The following ADAM12 variants were observed in gnomAD, a reference collection of about 807,000 sequenced individuals.
ADAM12 encodes disintegrin and metalloproteinase domain-containing protein 12.
ADAM12 carries 70 observed loss-of-function variants against 106.4 expected under a neutral mutation model. The observed-to-expected ratio is 0.66, with a 90% CI of 0.54 to 0.80. The LOEUF is 0.80. ADAM12 is among the 30% of genes least tolerant of loss of function. ADAM12 has a pLI of 0.00. For missense variants in ADAM12, 1,010 were observed against 1,171.9 expected, an observed-to-expected ratio of 0.86 and a Z score of 2.02; for synonymous variants, 420 against 433.5, an observed-to-expected ratio of 0.97 and a Z score of 0.39.
intron 4 of ADAM12, among the ~76,000 whole-genome samples, chr10:126,137,240 G>A (rs1294022665): frequency 3.9e-5 from 6 of 151,968 alleles, no homozygotes; most frequent in Admixed American, 6.6e-5. Context: ...TATGTTTGTG[G>A]TGCCACTTTT....
At chr10:126,252,005 G>GATAA (rs1321128731) in intron 3 of ADAM12, among the ~76,000 whole-genome samples, 1 of 105,644 alleles carries the variant, frequency 9.5e-6, no homozygotes, top group African/African-American at 4.0e-5. Context: ...GGATGGGATG[G>GATAA]ATAAATGGAT....
chr10:126,028,286 A>G (rs554041411), intron 21 of ADAM12, among the ~76,000 whole-genome samples: 14 of 152,298 alleles, frequency 9.2e-5, no homozygotes, highest in Admixed American at 6.5e-4. Context: ...TCAAACTACT[A>G]TTGACATTCT....
intron 1 of ADAM12, among the ~76,000 whole-genome samples, chr10:126,338,001 G>C (rs1854771145): frequency 6.6e-6 from 1 of 152,166 alleles, no homozygotes; most frequent in Non-Finnish European, 1.5e-5. Context: ...ACAGCCTTGG[G>C]CGTGTTAGAG....
intron 5 of ADAM12, among the ~76,000 whole-genome samples, chr10:126,120,513 G>A (rs1030428468): frequency 6.6e-6 from 1 of 152,186 alleles, no homozygotes; most frequent in Non-Finnish European, 1.5e-5. Flanking sequence ...CTGTCTGGAT[G>A]TGTTGACAGG....
At chr10:126,209,269 T>A (rs996791332) in intron 3 of ADAM12, among the ~76,000 whole-genome samples, 1 of 152,242 alleles carries the variant, frequency 6.6e-6, no homozygotes, top group East Asian at 1.9e-4. Context: ...AACTTTATTA[T>A]TGTAGCATCC....
At chr10:126,201,356 A>G (rs1011731367) in intron 3 of ADAM12, among the ~76,000 whole-genome samples, 2 of 152,130 alleles carry the variant, frequency 1.3e-5, no homozygotes, top group Non-Finnish European at 2.9e-5. Context: ...GACGAAACAG[A>G]GATACAGAAG....
Position 126,017,211 on chromosome 10 carries a change from A to C in ADAM12, c.*68T>G. On this transcript the variant is annotated 3_prime_UTR_variant, in exon 23 of 23. Transcript: ENST00000448723. ...AAAAAATCCTAAAAGTTGGTACAAA[A>C]AACTCCAACTGGAGCTGAAAGATAG... 1 of 1,414,354 alleles carries C rather than the reference A, an allele frequency of 7.1e-7. No individual in the cohort carries two copies. Among genetic ancestry groups the C allele is most frequent in the Non-Finnish European group, 9.6e-7 (1 of 1,042,772 alleles). 87.6% of individuals were successfully genotyped at this position (1,414,354 alleles called of 1,614,324 possible). A position where few individuals can be genotyped will look rare whatever the true frequency, so the allele number is the denominator to read the frequency against.
At chr10:126,157,031 G>C (rs1368903267) in intron 3 of ADAM12, among the ~76,000 whole-genome samples, 1 of 151,822 alleles carries the variant, frequency 6.6e-6, no homozygotes, top group Non-Finnish European at 1.5e-5. Context: ...GTGTGTGTGT[G>C]TGGGGGGGTG....
chr10:126,201,295 A>G (rs1164191145), intron 3 of ADAM12, among the ~76,000 whole-genome samples: 1 of 152,136 alleles, frequency 6.6e-6, no homozygotes, highest in African/African-American at 2.4e-5. Flanking sequence ...TGTGGGCCTT[A>G]CAAGGAGAGG....
rs1956096186 is a variant in ADAM12, at chr10:126,121,167, A to ATATATACCATATATAC, written c.417-2944_417-2943insGTATATATGGTATATA. ...ATATACTATATATACTATATATACTATATATACTATATACACTATATACTA... is the reference window on the plus strand; with the variant it reads ...ATATACTATATATACTATATATACTATATATACCATATATACTATATACTATATACACTATATACTA... On this transcript the variant is annotated intron_variant, in intron 5 of 22. Coordinates refer to ENST00000448723, the MANE Select transcript of ADAM12 (RefSeq NM_001288973.2). Among the ~76,000 whole-genome samples the ATATATACCATATATAC allele has an allele frequency of 6.0e-5, 5 of 83,764 alleles. 1 individual carries two copies. The highest frequency in any genetic ancestry group is 1.9e-4 in the Admixed American group (1 of 5,268). 55.0% of individuals were successfully genotyped at this position (83,764 alleles called of 152,430 possible).
At chr10:126,156,892 T>C (rs997425183) in intron 3 of ADAM12, among the ~76,000 whole-genome samples, 1 of 152,252 alleles carries the variant, frequency 6.6e-6, no homozygotes, top group Non-Finnish European at 1.5e-5. Flanking sequence ...ACCTGGGTTT[T>C]CTGTGTCTGG....
At chr10:126,226,269 G>C (rs1219746608) in intron 3 of ADAM12, among the ~76,000 whole-genome samples, 1 of 152,182 alleles carries the variant, frequency 6.6e-6, no homozygotes, top group Non-Finnish European at 1.5e-5. Flanking sequence ...ATCTCTCCAG[G>C]ACAGAATCAG....
Position 126,039,427 on chromosome 10 carries a change from T to C in ADAM12, c.2107A>G (p.Asn703Asp), listed in dbSNP as rs1227964105. Reference protein sequence around the residue: ...TDSGPIRQADNQGLTIGILVT... With the variant: ...TDSGPIRQADDQGLTIGILVT... The stretch of plus-strand genomic sequence containing the variant: ...AGAATTCCTATGGTTAAACCTTGGT[T>C]ATCTGAAACAAAACACATGGGGCTC... The change falls in exon 19 of 23, where the codon AAC becomes GAC. Residue 703 changes from asparagine to aspartate, a missense_variant and splice_region_variant. This residue lies in a region of ADAM12 where 615 missense variants were observed against 708.5 expected (regional missense o/e 0.87). Coordinates refer to ENST00000448723, the MANE Select transcript of ADAM12 (RefSeq NM_001288973.2). The C allele has an allele frequency of 6.2e-7, 1 of 1,614,074 alleles. No individual in the cohort carries two copies. The highest frequency in any genetic ancestry group is 8.5e-7 in the Non-Finnish European group (1 of 1,179,966).
At chr10:126,035,428 A>G (rs774058560) in intron 21 of ADAM12, among the ~76,000 whole-genome samples, 3 of 152,194 alleles carry the variant, frequency 2.0e-5, no homozygotes, top group Non-Finnish European at 4.4e-5. Flanking sequence ...AGGATTTTTA[A>G]TGCCATTGTA....
intron 14 of ADAM12, among the ~76,000 whole-genome samples, chr10:126,051,211 T>G (rs1450656749): frequency 6.6e-6 from 1 of 152,226 alleles, no homozygotes; most frequent in African/African-American, 2.4e-5. Context: ...ATCAAAGTAC[T>G]GGGATCTGAT....
At chr10:126,127,386 A>G (rs1464572270) in intron 5 of ADAM12, among the ~76,000 whole-genome samples, 2 of 152,226 alleles carry the variant, frequency 1.3e-5, no homozygotes, top group African/African-American at 4.8e-5. Context: ...GTTTTTAAAA[A>G]GTGGATTGGC....
chr10:126,187,061 GC>G (rs1258469775), intron 3 of ADAM12, among the ~76,000 whole-genome samples: 2 of 152,084 alleles, frequency 1.3e-5, no homozygotes, highest in Non-Finnish European at 2.9e-5. Flanking sequence ...GCTCCTCTCT[GC>G]CCCAGTTTTA....
chr10:126,087,980 A>G (rs1034025294), intron 11 of ADAM12, among the ~76,000 whole-genome samples: 1 of 152,022 alleles, frequency 6.6e-6, no homozygotes, highest in Non-Finnish European at 1.5e-5. Flanking sequence ...TTTAGACTGG[A>G]CTCTATTCCA....
At chr10:126,194,775 A>G (rs1294771394) in intron 3 of ADAM12, among the ~76,000 whole-genome samples, 1 of 152,178 alleles carries the variant, frequency 6.6e-6, no homozygotes, top group Non-Finnish European at 1.5e-5. Context: ...TCTGCAGTGA[A>G]TGTTTCTGTA....
Sources: allele counts gnomAD v4.1 joint callset (sites outside exome capture counted in the v4.1 genomes callset), GRCh38; gene constraint gnomAD v4.1.1; regional missense constraint gnomAD v4.1.1; transcripts MANE v1.5; gene names NCBI Gene and HGNC (gene_info 2026-07-23, HGNC 2026-07-21).